The following NSD3 variants were observed in gnomAD, a reference collection of about 807,000 sequenced individuals.
The protein encoded by NSD3 is nuclear receptor binding SET domain protein 3.
A neutral mutation model predicts 160.8 loss-of-function variants in NSD3; 24 were observed. The observed-to-expected ratio is 0.15, with a 90% CI of 0.11 to 0.21. The LOEUF (loss-of-function observed/expected upper bound fraction) is 0.21, where lower values mean the gene tolerates loss of function less well. NSD3 is among the 10% of genes least tolerant of loss of function. The pLI is 1.00. For synonymous variants in NSD3, 520 were observed against 600.0 expected (o/e 0.87, Z 1.95); for missense variants, 1,157 against 1,735.9 (o/e 0.67, Z 5.93).
intron 1 of NSD3, among the ~76,000 whole-genome samples, chr8:38,354,125 T>C (rs1274091037): frequency 6.6e-6 from 1 of 152,094 alleles, no homozygotes; most frequent in African/African-American, 2.4e-5. Context: ...CTTCCCTCTT[T>C]GTTAAGCCAT....
chr8:38,342,402 T>C (rs1190153522), intron 2 of NSD3, among the ~76,000 whole-genome samples: 1 of 152,208 alleles, frequency 6.6e-6, no homozygotes, highest in Non-Finnish European at 1.5e-5. Context: ...GACAGTGAGT[T>C]AGCTCTCCTT....
chr8:38,351,606 T>C (rs1356945627), intron 1 of NSD3, among the ~76,000 whole-genome samples: 1 of 148,416 alleles, frequency 6.7e-6, no homozygotes, highest in Admixed American at 6.8e-5. Flanking sequence ...GAGGTTGCAG[T>C]GAGCAGAGAT....
chr8:38,350,822 C>T (rs1028364463), intron 1 of NSD3, among the ~76,000 whole-genome samples: 5 of 152,212 alleles, frequency 3.3e-5, no homozygotes, highest in Admixed American at 2.0e-4. Context: ...TATGTAATAA[C>T]GTTACAATAT....
chr8:38,323,619 AC>A (rs1435284084), intron 7 of NSD3, among the ~76,000 whole-genome samples: 2 of 152,006 alleles, frequency 1.3e-5, no homozygotes, highest in Admixed American at 1.3e-4. Context: ...GGAGTTCGAG[AC>A]CAGCCTGGGG....
chr8:38,331,853 CAAAAT>C (rs1287446843), intron 4 of NSD3, among the ~76,000 whole-genome samples: 2 of 150,668 alleles, frequency 1.3e-5, no homozygotes, highest in Admixed American at 6.6e-5. Flanking sequence ...CAAAACAAAA[CAAAAT>C]AACATTCTTC....
chr8:38,349,665 T>TTATATA (rs71519992), intron 1 of NSD3, among the ~76,000 whole-genome samples: 9,969 of 109,202 alleles, frequency 0.091, 464 homozygotes, highest in Admixed American at 0.12. Flanking sequence ...ATTTCTTTCT[T>TTATATA]TATATATATA....
chr8:38,309,244 G>GATCACTTGAGGTCAGGAGT (rs952646119), intron 12 of NSD3, among the ~76,000 whole-genome samples: 5 of 152,144 alleles, frequency 3.3e-5, no homozygotes, highest in African/African-American at 1.2e-4. Context: ...AAGGCAGGTG[G>GATCACTTGAGGTCAGGAGT]ATCACTTGAG....
At chr8:38,336,577 C>CTA (rs1810221289) in intron 4 of NSD3, among the ~76,000 whole-genome samples, 1 of 152,148 alleles carries the variant, frequency 6.6e-6, no homozygotes, top group African/African-American at 2.4e-5. Flanking sequence ...TAAAAAATTA[C>CTA]TATCCATAGC....
At chr8:38,342,779 C>T (rs1393258094) in intron 2 of NSD3, among the ~76,000 whole-genome samples, 4 of 151,920 alleles carry the variant, frequency 2.6e-5, no homozygotes, top group Admixed American at 6.6e-5. Context: ...CAGGAGGTCT[C>T]GATCTCTTGA....
rs887420543 is a variant in NSD3, at chr8:38,316,632, C to T, written c.1856-590G>A. 28 of 1,053,168 alleles carry T rather than the reference C, an allele frequency of 2.7e-5. No homozygotes were observed. The East Asian group carries it at 8.6e-4, about 32-fold the overall frequency. The allele number at this position is 1,053,168 out of a possible 1,614,324, so 65.2% of individuals were successfully genotyped here. A position where few individuals can be genotyped will look rare whatever the true frequency, so the allele number is the denominator to read the frequency against. On this transcript the variant is annotated intron_variant, in intron 9 of 23. Coordinates refer to ENST00000317025, the MANE Select transcript of NSD3 (RefSeq NM_023034.2). This position sits in a 1 kb window ranked among gnomAD's most constrained non-coding sequence, Gnocchi z 4.5. ...GGCATTTATTGTGACCATTAACAAG[C>T]GCTGCAGCACATCTACATATGTCAT...
chr8:38,377,080 T>C (rs1811409224), intron 1 of NSD3, among the ~76,000 whole-genome samples: 1 of 152,144 alleles, frequency 6.6e-6, no homozygotes, highest in Non-Finnish European at 1.5e-5. Context: ...TGAGACGGAG[T>C]CTCGCTTTGC....
intron 16 of NSD3, among the ~76,000 whole-genome samples, chr8:38,295,573 C>A (rs1475537010): frequency 1.3e-5 from 2 of 152,040 alleles, no homozygotes; most frequent in Non-Finnish European, 2.9e-5. Context: ...ATCAACCAAC[C>A]AATCCCAAAG....
chr8:38,347,877 C>T lies in NSD3; in HGVS notation c.295G>A (p.Gly99Ser). The part of the protein sequence containing the change: ...YNQYPNGSAN[G>S]FGAVRNFSPT... ...CTAAAGTTTCTAACTGCACCAAAGC[C>T]ATTGGCTGACCCATTAGGATACTGA... The change falls in exon 2 of 24, where the codon GGC becomes AGC. Residue 99 changes from glycine (G) to serine (S), a missense_variant. By Grantham distance (56) the Gly-to-Ser change is moderately conservative (BLOSUM62 0). This residue lies in a region of NSD3 where 121 missense variants were observed against 177.2 expected (regional missense o/e 0.68). Coordinates refer to ENST00000317025, the MANE Select transcript of NSD3 (RefSeq NM_023034.2). The T allele has an allele frequency of 6.2e-7, 1 of 1,614,208 alleles. No homozygotes were observed. The highest frequency in any genetic ancestry group is 8.5e-7 in the Non-Finnish European group (1 of 1,180,046).
At chr8:38,349,696 T>TATATATATATATATA (rs57895941) in intron 1 of NSD3, among the ~76,000 whole-genome samples, 1 of 143,504 alleles carries the variant, frequency 7.0e-6, no homozygotes, top group African/African-American at 2.5e-5. Context: ...TATATATGTA[T>TATATATATATATATA]TTATTATACT....
intron 1 of NSD3, among the ~76,000 whole-genome samples, chr8:38,366,415 A>ATTTTTTTT (rs1399938867): frequency 9.7e-4 from 115 of 118,812 alleles, no homozygotes; most frequent in African/African-American, 3.2e-3. Context: ...CATCTACTTA[A>ATTTTTTTT]TTCTTTTTTT....
chr8:38,339,062 C>T (rs1007795020), intron 2 of NSD3, among the ~76,000 whole-genome samples: 1 of 151,784 alleles, frequency 6.6e-6, no homozygotes, highest in Non-Finnish European at 1.5e-5. Flanking sequence ...ATCACTTGAA[C>T]CCAGGAGGCG....
chr8:38,317,575 G>C lies in NSD3; in HGVS notation c.1855+1320C>G, dbSNP rs550761489. On this transcript the variant is annotated intron_variant, in intron 9 of 23. Coordinates refer to ENST00000317025, the MANE Select transcript of NSD3 (RefSeq NM_023034.2). This position sits in a 1 kb window ranked among gnomAD's most constrained non-coding sequence, Gnocchi z 5.3. ...ACGGCACTAATATTAAAAAAAATAA[G>C]AACTTTTAATGATTGTAATGTATAC... 1 of 1,069,856 alleles carries C rather than the reference G, an allele frequency of 9.3e-7. No homozygotes were observed. Among genetic ancestry groups the C allele is most frequent in the Non-Finnish European group, 1.1e-6 (1 of 882,320 alleles). The allele number at this position is 1,069,856 out of a possible 1,614,324, so 66.3% of individuals were successfully genotyped here.
At chr8:38,365,061 T>C (rs1240293961) in intron 1 of NSD3, among the ~76,000 whole-genome samples, 3 of 152,238 alleles carry the variant, frequency 2.0e-5, no homozygotes, top group Non-Finnish European at 4.4e-5. Context: ...CATGTTTGTT[T>C]CCCTTTTCCA....
chr8:38,318,028 G>A lies in NSD3; in HGVS notation c.1855+867C>T. 1.2e-6 allele frequency: 2 copies of A among 1,614,076 alleles called. No homozygotes were observed. Among genetic ancestry groups the A allele is most frequent in the Non-Finnish European group, 1.7e-6 (2 of 1,180,020 alleles). On this transcript the variant is annotated intron_variant, in intron 9 of 23. Transcript: ENST00000317025. This position sits in a 1 kb window ranked among gnomAD's most constrained non-coding sequence, Gnocchi z 5.3. ...ATCTGACAGAGCCCTGCACTCCCCG[G>A]TCCGCCGACCCTGTGGAATGGTGGA... is the stretch of plus-strand genomic sequence containing the variant.
Sources: allele counts gnomAD v4.1 joint callset (sites outside exome capture counted in the v4.1 genomes callset), GRCh38; gene constraint gnomAD v4.1.1; regional missense constraint gnomAD v4.1.1; non-coding constraint Gnocchi (gnomAD v3.1); transcripts MANE v1.5; gene names NCBI Gene and HGNC (gene_info 2026-07-23, HGNC 2026-07-21).